Variants in AXIN2 observed in about 807,000 individuals in gnomAD.
AXIN2 encodes axin 2.
Under a neutral mutation model 74.7 loss-of-function variants are expected in AXIN2, and 21 were observed. That is an observed-to-expected ratio of 0.28 (90% confidence interval 0.20 to 0.40). AXIN2 has a LOEUF of 0.40. Ranked by LOEUF, AXIN2 falls within the 10% of genes least tolerant of loss-of-function variation. The pLI, the probability that AXIN2 is intolerant of heterozygous loss-of-function variation, is 1.00. For missense variants in AXIN2, 1,144 were observed against 1,111.1 expected, an observed-to-expected ratio of 1.03 and a Z score of -0.42; for synonymous variants, 532 against 454.9, an observed-to-expected ratio of 1.17 and a Z score of -2.16.
intron 4 of AXIN2, among the ~76,000 whole-genome samples, chr17:65,540,696 G>C (rs2044027814): frequency 6.6e-6 from 1 of 152,030 alleles, no homozygotes; most frequent in Non-Finnish European, 1.5e-5. Context: ...CTGGTTGTTT[G>C]AAAGAACATG....
At chr17:65,541,225 T>TAG (rs1414505808) in intron 4 of AXIN2, among the ~76,000 whole-genome samples, 5 of 152,204 alleles carry the variant, frequency 3.3e-5, no homozygotes, top group Non-Finnish European at 7.3e-5. Flanking sequence ...TATTCCTTTA[T>TAG]AGCAAAACTG....
intron 9 of AXIN2, among the ~76,000 whole-genome samples, chr17:65,534,704 G>T (rs141802099): frequency 0.021 from 3,162 of 152,152 alleles, 120 homozygotes; most frequent in African/African-American, 0.073. Flanking sequence ...CGAGGTGGGC[G>T]GATCACTTGA....
chr17:65,558,840 C>A, intron 1 of AXIN2, 104 bp from the exon 2 acceptor site: 2 of 592,064 alleles, frequency 3.4e-6, no homozygotes, highest in Non-Finnish European at 6.0e-6. Context: ...ACAGGCTTTT[C>A]AACTCCTCAA....
Position 65,535,696 on chromosome 17 carries a change from C to A in AXIN2, c.2167G>T (p.Asp723Tyr). The A allele has an allele frequency of 1.2e-6, 2 of 1,614,158 alleles. No individual in the cohort carries two copies. Among genetic ancestry groups the A allele is most frequent in the Non-Finnish European group, 1.7e-6 (2 of 1,180,016 alleles). The change falls in exon 9 of 11, where the codon GAC becomes TAC. Residue 723 changes from aspartate to tyrosine, a missense_variant. Around this residue, in one of 4 missense-constraint regions of AXIN2, gnomAD observed 1,053 missense variants for 973.5 expected, o/e 1.08. Coordinates refer to ENST00000307078, the MANE Select transcript of AXIN2 (RefSeq NM_004655.4). Reference sequence around the variant, plus strand: ...TGAACAGTGGCCGAATGATTCCTGTCCCTCTGCTGACTGGCCACACAGCAC... The same window carrying A: ...TGAACAGTGGCCGAATGATTCCTGTACCTCTGCTGACTGGCCACACAGCAC... ...QRCCVASQQR[D>Y]RNHSATVQTG...
intron 1 of AXIN2, chr17:65,560,963 C>T (rs928546368): frequency 6.8e-6 from 1 of 147,830 alleles, no homozygotes; most frequent in African/African-American, 2.5e-5. Context: ...CATGGGGAGT[C>T]GTGCGGCGGG....
chr17:65,560,881 C>T (rs1030551051), intron 1 of AXIN2: 80 of 149,398 alleles, frequency 5.4e-4, no homozygotes, highest in African/African-American at 1.8e-3. Flanking sequence ...TGGCAGGGGC[C>T]CGGCCCCGGC....
chr17:65,549,208 G>C (rs867404537), intron 3 of AXIN2, among the ~76,000 whole-genome samples: 2 of 152,294 alleles, frequency 1.3e-5, no homozygotes, highest in South Asian at 4.1e-4. Context: ...ATGACAACCA[G>C]AAGAAGGTTT....
At chr17:65,555,605 T>C (rs2044256189) in intron 2 of AXIN2, among the ~76,000 whole-genome samples, 1 of 152,196 alleles carries the variant, frequency 6.6e-6, no homozygotes. Context: ...AAGGCTTTCA[T>C]GTTTATTATT....
In AXIN2 at chr17:65,528,646, T is replaced by C. The variant is rs1220537770; in HGVS notation, c.*1330A>G. The C allele has an allele frequency of 1.9e-6, 1 of 514,188 alleles. No homozygotes were observed. Among genetic ancestry groups the C allele is most frequent in the Non-Finnish European group, 3.7e-6 (1 of 268,862 alleles). 31.9% of individuals were successfully genotyped at this position (514,188 alleles called of 1,614,324 possible). A position where few individuals can be genotyped will look rare whatever the true frequency, so the allele number is the denominator to read the frequency against. ...ACCAAGTAATTTTCCTTAAATGAACTCTTTATAATGCATAATTTACAGTAT... is the reference window on the plus strand; with the variant it reads ...ACCAAGTAATTTTCCTTAAATGAACCCTTTATAATGCATAATTTACAGTAT... On this transcript the variant is annotated 3_prime_UTR_variant, in exon 11 of 11. Coordinates refer to ENST00000307078, the MANE Select transcript of AXIN2 (RefSeq NM_004655.4).
At chr17:65,560,314 G>A (rs1467885327) in intron 1 of AXIN2, 1 of 152,168 alleles carries the variant, frequency 6.6e-6, no homozygotes, top group Non-Finnish European at 1.5e-5. Flanking sequence ...CCTGCGCGCA[G>A]ACTGAGCCTC....
intron 1 of AXIN2, among the ~76,000 whole-genome samples, chr17:65,559,235 A>C (rs143473073): frequency 0.01 from 1,537 of 152,104 alleles, 15 homozygotes; most frequent in Middle Eastern, 0.051. Context: ...CTCGAGCTCC[A>C]AACGTGCCCT....
At position 65,534,059 on chromosome 17, in the gene AXIN2, A is replaced by T; in HGVS notation, c.2258T>A (p.Leu753Gln). The T allele has an allele frequency of 6.2e-7, 1 of 1,614,248 alleles. No individual in the cohort carries two copies. The highest frequency in any genetic ancestry group is 8.5e-7 in the Non-Finnish European group (1 of 1,180,044). ...GGCCTGGAGCGCGTGGACACCTGCC[A>T]GTTTCTTTGGCTCTTTGTGACTGAA... ...APEDHKEPKK[L>Q]AGVHALQASE... is the part of the protein sequence containing the mutation. The change falls in exon 10 of 11, where the codon CTG becomes CAG. Residue 753 changes from leucine to glutamine, a missense_variant. Physicochemically the swap from Leu to Gln is moderately radical, Grantham distance 113 (BLOSUM62 -2). Transcript: ENST00000307078.
chr17:65,558,863 C>T (rs1266240789), intron 1 of AXIN2, 127 bp from the exon 2 acceptor site: 2 of 566,372 alleles, frequency 3.5e-6, no homozygotes, highest in East Asian at 5.9e-5. Flanking sequence ...TCAAATCAAG[C>T]AACCCAGCTA....
rs1286448465 is a variant in AXIN2, at chr17:65,560,944, G to A, written c.-117+506C>T. On this transcript the variant is annotated intron_variant, in intron 1 of 10. Transcript: ENST00000307078. ...CGGGCCCCCCCGGGCCGGCCGCGGCGTCGGGGAACATGGGGAGTCGTGCGG... is the reference window on the plus strand; with the variant it reads ...CGGGCCCCCCCGGGCCGGCCGCGGCATCGGGGAACATGGGGAGTCGTGCGG... 2.7e-5 allele frequency: 4 copies of A among 147,906 alleles called. No homozygotes were observed. The East Asian group carries it at 8.0e-4, about 30-fold the overall frequency. The allele number at this position is 147,906 out of a possible 1,614,324, so 9.2% of individuals were successfully genotyped here.
chr17:65,558,965 G>C (rs1372422839), intron 1 of AXIN2, among the ~76,000 whole-genome samples: 1 of 151,970 alleles, frequency 6.6e-6, no homozygotes, highest in African/African-American at 2.4e-5. Flanking sequence ...GGGTGGGAGG[G>C]AGCTGTTGGG....
chr17:65,558,216 G>A lies in AXIN2; in HGVS notation c.405C>T (p.Tyr135=), dbSNP rs141608578. 7.2e-5 allele frequency: 116 copies of A among 1,613,976 alleles called. No homozygotes were observed. The highest frequency in any genetic ancestry group is 9.6e-5 in the Non-Finnish European group (113 of 1,180,024). The change falls in exon 2 of 11, where the codon TAC becomes TAT. Residue 135 remains tyrosine, a synonymous_variant. Transcript: ENST00000307078. ...TKTLRVAKAI[Y]KRYIENNSIV... Reference sequence around the variant, plus strand: ...TGCTGTTGTTCTCAATGTACCTTTTGTAGATCGCTTTGGCTACTCGTAAAG... The same window carrying A: ...TGCTGTTGTTCTCAATGTACCTTTTATAGATCGCTTTGGCTACTCGTAAAG...
At chr17:65,538,024 G>A (rs1023976249) in intron 5 of AXIN2, 179 bp downstream of exon 5, 7 of 1,341,420 alleles carry the variant, frequency 5.2e-6, no homozygotes, top group Non-Finnish European at 7.2e-6. Flanking sequence ...ACACCCACAC[G>A]CAACCCATGC....
chr17:65,561,182 T>G (rs2044367493), intron 1 of AXIN2: 1 of 149,388 alleles, frequency 6.7e-6, no homozygotes, highest in African/African-American at 2.4e-5. Context: ...AACTGCGCTG[T>G]GGATTTAACT....
intron 10 of AXIN2, among the ~76,000 whole-genome samples, chr17:65,531,987 C>CT (rs1348605650): frequency 6.6e-6 from 1 of 152,102 alleles, no homozygotes; most frequent in Non-Finnish European, 1.5e-5. Context: ...AGCACCAGCC[C>CT]TGCTGGGAGG....
Sources: gnomAD v4.1 joint callset for allele counts (sites outside exome capture counted in the v4.1 genomes callset) on GRCh38, gnomAD v4.1.1 for gene constraint, gnomAD v4.1.1 regional missense constraint, MANE v1.5 for transcripts, NCBI Gene and HGNC (gene_info 2026-07-23, HGNC 2026-07-21) for gene names.